MIPOL1: variants seen among roughly 807,000 people sequenced by gnomAD.
MIPOL1 encodes the protein mirror-image polydactyly 1.
In MIPOL1, 57 loss-of-function variants were observed where a neutral mutation model predicts 60.9. The observed-to-expected ratio is 0.94, with a 90% confidence interval of 0.76 to 1.17. MIPOL1 has a LOEUF of 1.17. Ranked by LOEUF, MIPOL1 falls within the 50% of genes most tolerant of loss-of-function variation. MIPOL1 has a pLI of 0.00. For missense variants in MIPOL1, 551 were observed against 511.6 expected, an observed-to-expected ratio of 1.08 and a Z score of -0.74; for synonymous variants, 179 against 168.8, an observed-to-expected ratio of 1.06 and a Z score of -0.47.
At chr14:37,521,496 C>A (rs2095412721) in intron 12 of MIPOL1, among the ~76,000 whole-genome samples, 1 of 151,942 alleles carries the variant, frequency 6.6e-6, no homozygotes, top group African/African-American at 2.4e-5. Flanking sequence ...TATTTTTATG[C>A]TCCTCATTAA....
chr14:37,212,962 C>T (rs1054888666), intron 1 of MIPOL1, among the ~76,000 whole-genome samples: 7 of 152,164 alleles, frequency 4.6e-5, no homozygotes, highest in African/African-American at 1.7e-4. Context: ...AGATCTTGTC[C>T]AAGATTATCA....
At chr14:37,200,877 TGTGTGTGTGTGTGTGTGTGTGTA>T (rs1566964863) in intron 1 of MIPOL1, among the ~76,000 whole-genome samples, 2,834 of 111,596 alleles carry the variant, frequency 0.025, 373 homozygotes, top group African/African-American at 0.12. Context: ...TGTGTGTGTG[TGTGTGTGTGTGTGTGTGTGTGTA>T]TTTTTTTTTT....
chr14:37,316,814 T>C (rs2087958519), intron 9 of MIPOL1, among the ~76,000 whole-genome samples: 1 of 151,726 alleles, frequency 6.6e-6, no homozygotes, highest in Admixed American at 6.6e-5. Context: ...TTGTCTCTAC[T>C]AAAAAATACA....
chr14:37,364,948 A>G (rs967245703), intron 9 of MIPOL1, among the ~76,000 whole-genome samples: 1 of 152,050 alleles, frequency 6.6e-6, no homozygotes, highest in Non-Finnish European at 1.5e-5. Context: ...CTTGGTATTT[A>G]ATTTCATCTG....
chr14:37,550,528 C>T lies in MIPOL1; in HGVS notation c.*3557C>T, dbSNP rs1950824. On this transcript the variant is annotated 3_prime_UTR_variant, in exon 13 of 13. Transcript: ENST00000684589. ...TATATATATATACATGCACACACAC[C>T]GATACATTTACCTTTTAAAAAAATG... 0.66 allele frequency: 98,955 copies of T among 150,248 alleles called. 32,964 individuals carry two copies. Among genetic ancestry groups the T allele is most frequent in the East Asian group, 0.84 (4,328 of 5,128 alleles). The allele number at this position is 150,248 out of a possible 1,614,324, so 9.3% of individuals were successfully genotyped here.
intron 9 of MIPOL1, among the ~76,000 whole-genome samples, chr14:37,308,896 C>T (rs2087028891): frequency 6.6e-6 from 1 of 151,914 alleles, no homozygotes; most frequent in African/African-American, 2.4e-5. Context: ...TTCCCAGTGC[C>T]TAATTCAGTA....
intron 3 of MIPOL1, among the ~76,000 whole-genome samples, chr14:37,254,528 G>C (rs1974607890): frequency 6.6e-6 from 1 of 151,648 alleles, no homozygotes; most frequent in Admixed American, 6.6e-5. Context: ...AGTACAGAGT[G>C]TTCCCATACA....
At chr14:37,355,210 T>C (rs1311776250) in intron 9 of MIPOL1, among the ~76,000 whole-genome samples, 6 of 145,956 alleles carry the variant, frequency 4.1e-5, no homozygotes, top group African/African-American at 1.3e-4. Context: ...AAAATTCTTT[T>C]CTTTAAGAAT....
Position 37,417,825 on chromosome 14 carries a change from A to G in MIPOL1, c.937-5030A>G, listed in dbSNP as rs79033225. The stretch of plus-strand genomic sequence containing the variant: ...ATAACTATCACACATATTAAATTAT[A>G]CCATATTGAAATGTGGTCTTCTATG... On this transcript the variant is annotated intron_variant, in intron 10 of 12. Coordinates refer to ENST00000684589, the MANE Select transcript of MIPOL1 (RefSeq NM_001388067.1). 4.7e-3 allele frequency among the ~76,000 whole-genome samples: 715 copies of G among 152,290 alleles called. 4 individuals are homozygous for G. Among genetic ancestry groups the G allele is most frequent in the African/African-American group, 0.015 (635 of 41,558 alleles).
chr14:37,304,531 G>A (rs2086625180), intron 7 of MIPOL1, among the ~76,000 whole-genome samples: 1 of 151,654 alleles, frequency 6.6e-6, no homozygotes, highest in East Asian at 1.9e-4. Flanking sequence ...AAATGAGAGA[G>A]AATAAAAGCA....
At chr14:37,298,542 A>C (rs1408893094) in intron 7 of MIPOL1, among the ~76,000 whole-genome samples, 2 of 152,206 alleles carry the variant, frequency 1.3e-5, no homozygotes, top group East Asian at 3.8e-4. Context: ...CAATTTTTGC[A>C]ACCTACTCAT....
intron 10 of MIPOL1, chr14:37,385,462 C>T (rs1009449244): frequency 1.3e-5 from 2 of 152,074 alleles, no homozygotes; most frequent in Non-Finnish European, 2.9e-5. Flanking sequence ...GACAGCAGCT[C>T]TAGTTTTAAA....
At chr14:37,317,596 TAGAA>T (rs1401056468) in intron 9 of MIPOL1, among the ~76,000 whole-genome samples, 1 of 152,062 alleles carries the variant, frequency 6.6e-6, no homozygotes, top group Non-Finnish European at 1.5e-5. Context: ...ATGAGGCACA[TAGAA>T]AGAAACTGAG....
At chr14:37,247,764 T>A in intron 2 of MIPOL1, 65 bp from the exon 3 acceptor site, 1 of 795,002 alleles carries the variant, frequency 1.3e-6, no homozygotes, top group Non-Finnish European at 2.0e-6. Flanking sequence ...TAAACAAAGG[T>A]AAGATTTAGG....
At chr14:37,238,746 T>TA (rs1426039600) in intron 1 of MIPOL1, among the ~76,000 whole-genome samples, 2 of 147,798 alleles carry the variant, frequency 1.4e-5, no homozygotes, top group Non-Finnish European at 3.0e-5. Flanking sequence ...GCCTAGGAGT[T>TA]CAAGACCAGT....
intron 1 of MIPOL1, among the ~76,000 whole-genome samples, chr14:37,198,624 G>A (rs1165163432): frequency 6.6e-6 from 1 of 151,902 alleles, no homozygotes; most frequent in African/African-American, 2.4e-5. Flanking sequence ...TGGACCTGGT[G>A]CAACGTTTGG....
At chr14:37,416,687 A>G (rs1164771240) in intron 10 of MIPOL1, among the ~76,000 whole-genome samples, 1 of 152,166 alleles carries the variant, frequency 6.6e-6, no homozygotes, top group Non-Finnish European at 1.5e-5. Flanking sequence ...GATCTATGAC[A>G]AAGAAAAAGA....
intron 9 of MIPOL1, among the ~76,000 whole-genome samples, chr14:37,318,465 C>T (rs2088179293): frequency 2.0e-5 from 3 of 152,018 alleles, no homozygotes; most frequent in South Asian, 4.1e-4. Flanking sequence ...TTTCCCTTGT[C>T]AGTTTGTTAA....
chr14:37,448,067 G>T (rs927648858), intron 11 of MIPOL1, among the ~76,000 whole-genome samples: 1 of 152,090 alleles, frequency 6.6e-6, no homozygotes. Context: ...AACTGGATAT[G>T]CTCTTAAATT....
Sources: allele counts gnomAD v4.1 joint callset (sites outside exome capture counted in the v4.1 genomes callset), GRCh38; gene constraint gnomAD v4.1.1; transcripts MANE v1.5; gene names NCBI Gene and HGNC (gene_info 2026-07-23, HGNC 2026-07-21).